The following ABCA1 variants were observed in gnomAD, a reference collection of about 807,000 sequenced individuals.
ABCA1 encodes phospholipid-transporting ATPase ABCA1.
In ABCA1, 133 loss-of-function variants were observed where a neutral mutation model predicts 262.5. The ratio of observed to expected loss-of-function variants is 0.51; its 90% CI spans 0.44 to 0.59. The LOEUF (loss-of-function observed/expected upper bound fraction) is 0.59, where lower values mean the gene tolerates loss of function less well. Among genes scored for constraint, ABCA1 ranks in the 20% least tolerant of loss-of-function variants. The probability of loss-of-function intolerance (pLI) is 0.00; values close to 1 mark genes in which losing one functional copy is unlikely to be tolerated. For synonymous variants in ABCA1, 1,022 were observed against 1,043.5 expected, an observed-to-expected ratio of 0.98 and a Z score of 0.40; for missense variants, 2,452 against 2,777.5, an observed-to-expected ratio of 0.88 and a Z score of 2.63.
intron 7 of ABCA1, among the ~76,000 whole-genome samples, chr9:104,847,807 A>T (rs1835026002): frequency 6.6e-6 from 1 of 152,226 alleles, no homozygotes; most frequent in South Asian, 2.1e-4. Flanking sequence ...CATTTGCCAA[A>T]CGGCAAAATA....
intron 33 of ABCA1, 24 bp from the exon 34 acceptor site, chr9:104,802,183 A>C (rs1242101366): frequency 6.2e-7 from 1 of 1,602,606 alleles, no homozygotes; most frequent in Admixed American, 1.7e-5. Flanking sequence ...CTGACATTAA[A>C]ACCCAGACAG....
intron 25 of ABCA1, among the ~76,000 whole-genome samples, chr9:104,815,231 C>A (rs911593511): frequency 5.9e-5 from 9 of 152,314 alleles, no homozygotes; most frequent in African/African-American, 1.9e-4. Context: ...TGAGCGCAAT[C>A]ATTTCCAAAC....
rs2777806 is a variant in ABCA1, at chr9:104,809,838, T to G, written c.4176-274A>C. On this transcript the variant is annotated intron_variant, in intron 29 of 49. Transcript: ENST00000374736. ...ATGTGTACACACATGTACATACACA[T>G]ATACATTTATATATTTTTTTTAATT... 0.056 allele frequency among the ~76,000 whole-genome samples: 8,576 copies of G among 152,206 alleles called. 331 individuals carry two copies. Among genetic ancestry groups the G allele is most frequent in the South Asian group, 0.14 (658 of 4,822 alleles).
At chr9:104,891,336 G>C (rs778065509) in intron 2 of ABCA1, among the ~76,000 whole-genome samples, 1 of 152,162 alleles carries the variant, frequency 6.6e-6, no homozygotes, top group Non-Finnish European at 1.5e-5. Context: ...AAGGCAGGCG[G>C]ATCACCTGAG....
intron 11 of ABCA1, 144 bp downstream of exon 11, chr9:104,836,836 C>A: frequency 1.4e-6 from 1 of 691,372 alleles, no homozygotes; most frequent in South Asian, 1.7e-5. Flanking sequence ...GAGGTGGTGC[C>A]CTGTGACTTT....
At chr9:104,908,506 A>C (rs1841305961) in intron 1 of ABCA1, among the ~76,000 whole-genome samples, 1 of 152,156 alleles carries the variant, frequency 6.6e-6, no homozygotes, top group Non-Finnish European at 1.5e-5. Context: ...ATCTCTACTA[A>C]AAATATAAAA....
At position 104,837,497 on chromosome 9, in the gene ABCA1, C is replaced by T; in HGVS notation, c.1125G>A (p.Leu375=). ...SPLSRIIWKA[L]KPLLVGKILY... ...GGATCTTCCCAACGAGCAGCGGCTT[C>T]AGAGCTTTCCAGATAATGCGGGAAA... The change falls in exon 10 of 50, where the codon CTG becomes CTA. Residue 375 remains leucine, a synonymous_variant. Transcript: ENST00000374736. 2 of 1,614,168 alleles carry T rather than the reference C, an allele frequency of 1.2e-6. No homozygotes were observed. Among genetic ancestry groups the T allele is most frequent in the South Asian group, 1.1e-5 (1 of 91,080 alleles).
intron 2 of ABCA1, among the ~76,000 whole-genome samples, chr9:104,901,534 A>C (rs1179349437): frequency 6.6e-6 from 1 of 152,212 alleles, no homozygotes. Flanking sequence ...AAGGGGCAGG[A>C]GCCCTGGATC....
intron 8 of ABCA1, among the ~76,000 whole-genome samples, chr9:104,840,762 G>GGAT (rs1834293736): frequency 6.6e-6 from 1 of 152,054 alleles, no homozygotes; most frequent in Non-Finnish European, 1.5e-5. Flanking sequence ...TTGGAAATGC[G>GGAT]GATTCTGAGA....
At chr9:104,800,489 A>G in intron 35 of ABCA1, 21 bp downstream of exon 35, 2 of 1,603,792 alleles carry the variant, frequency 1.2e-6, no homozygotes, top group South Asian at 2.2e-5. Context: ...AAAAGCTACT[A>G]GAACAAAGAC....
Position 104,826,947 on chromosome 9 carries a change from C to G in ABCA1, c.2337+1G>C, listed in dbSNP as rs1477884499. The G allele has an allele frequency of 1.2e-6, 2 of 1,613,364 alleles. No homozygotes were observed. The highest frequency in any genetic ancestry group is 1.7e-6 in the Non-Finnish European group (2 of 1,179,874). On this transcript the variant is annotated splice_donor_variant, in intron 16 of 49. Transcript: ENST00000374736. LOFTEE classifies it high-confidence loss of function. ...ACTGAAGAAAGGCCAGAGGTACTCA[C>G]AGCGAAGATCTTGAGTGTGAAGCCC...
intron 29 of ABCA1, 53 bp from the exon 30 acceptor site, chr9:104,809,617 G>T: frequency 6.9e-7 from 1 of 1,456,572 alleles, no homozygotes; most frequent in Non-Finnish European, 9.6e-7. Context: ...ACCAGTAATC[G>T]AGAGATAAAA....
intron 1 of ABCA1, among the ~76,000 whole-genome samples, chr9:104,926,365 C>A (rs975523582): frequency 1.3e-5 from 2 of 151,370 alleles, no homozygotes; most frequent in Non-Finnish European, 2.9e-5. Context: ...CCTAAAGAGG[C>A]ACCTACACAT....
intron 34 of ABCA1, among the ~76,000 whole-genome samples, chr9:104,801,726 T>G (rs1378269598): frequency 6.6e-6 from 1 of 151,256 alleles, no homozygotes. Context: ...GTATTTTTAG[T>G]AGATACGGGG....
At chr9:104,787,739 T>A (rs1829052084) in intron 46 of ABCA1, 181 bp downstream of exon 46, 2 of 746,396 alleles carry the variant, frequency 2.7e-6, no homozygotes, top group African/African-American at 3.8e-5. Flanking sequence ...TCTGCAGGCA[T>A]GGTACAGCCA....
At chr9:104,889,531 A>G (rs748267480) in intron 2 of ABCA1, 19 of 217,984 alleles carry the variant, frequency 8.7e-5, no homozygotes, top group Non-Finnish European at 1.2e-4. Flanking sequence ...GTGCTACTCC[A>G]GTAACCCAGG....
chr9:104,926,716 T>A (rs1471196422), intron 1 of ABCA1, among the ~76,000 whole-genome samples: 2 of 152,054 alleles, frequency 1.3e-5, no homozygotes, highest in Non-Finnish European at 2.9e-5. Flanking sequence ...AGCTCCGAGT[T>A]CTGCGCCGCC....
At chr9:104,913,672 A>C (rs1446022375) in intron 1 of ABCA1, among the ~76,000 whole-genome samples, 1 of 152,236 alleles carries the variant, frequency 6.6e-6, no homozygotes, top group Non-Finnish European at 1.5e-5. Flanking sequence ...GTTTTACTAT[A>C]AAACCCCCTC....
At chr9:104,902,683 CT>C (rs759212691) in intron 2 of ABCA1, among the ~76,000 whole-genome samples, 8 of 152,104 alleles carry the variant, frequency 5.3e-5, no homozygotes, top group Non-Finnish European at 1.0e-4. Context: ...CAAAAGGATG[CT>C]TTGACACTTT....
Sources: allele counts gnomAD v4.1 joint callset (sites outside exome capture counted in the v4.1 genomes callset), GRCh38; gene constraint gnomAD v4.1.1; transcripts MANE v1.5; gene names NCBI Gene and HGNC (gene_info 2026-07-23, HGNC 2026-07-21).